The following FLVCR1 variants were observed in gnomAD, a reference collection of about 807,000 sequenced individuals.
FLVCR1 encodes choline/ethanolamine transporter FLVCR1.
In FLVCR1, 34 loss-of-function variants were observed where a neutral mutation model predicts 53.6. That is an observed-to-expected ratio of 0.63 (90% confidence interval 0.48 to 0.84). The LOEUF (loss-of-function observed/expected upper bound fraction) is 0.84, where lower values mean the gene tolerates loss of function less well. Among genes scored for constraint, FLVCR1 ranks in the 40% least tolerant of loss-of-function variants. The pLI is 0.00. For missense variants in FLVCR1, 677 were observed against 696.7 expected, an observed-to-expected ratio of 0.97 and a Z score of 0.32; for synonymous variants, 300 against 286.3, an observed-to-expected ratio of 1.05 and a Z score of -0.48.
chr1:212,887,672 T>G (rs1665093116), intron 5 of FLVCR1, among the ~76,000 whole-genome samples: 1 of 152,160 alleles, frequency 6.6e-6, no homozygotes, highest in Non-Finnish European at 1.5e-5. Context: ...TATAAAAGGA[T>G]CCTATCTGAG....
At chr1:212,888,659 T>G in intron 7 of FLVCR1, 65 bp downstream of exon 7, 2 of 1,170,580 alleles carry the variant, frequency 1.7e-6, no homozygotes, top group Non-Finnish European at 2.5e-6. Flanking sequence ...GAGTAATGAG[T>G]TTGACCATGG....
At chr1:212,882,814 G>A (rs978433778) in intron 3 of FLVCR1, among the ~76,000 whole-genome samples, 1 of 151,832 alleles carries the variant, frequency 6.6e-6, no homozygotes, top group African/African-American at 2.4e-5. Flanking sequence ...CAGTAGAATT[G>A]CTTGAACCCA....
intron 5 of FLVCR1, 130 bp from the exon 6 acceptor site, chr1:212,887,761 A>G (rs895957882): frequency 9.7e-6 from 6 of 617,330 alleles, no homozygotes; most frequent in African/African-American, 1.8e-5. Context: ...TGGTGGATAC[A>G]TATTTCCATG....
chr1:212,885,243 A>C (rs1665027403), intron 4 of FLVCR1, 50 bp from the exon 5 acceptor site: 1 of 1,217,788 alleles, frequency 8.2e-7, no homozygotes, highest in African/African-American at 1.5e-5. Flanking sequence ...GAAGAGTCTG[A>C]ATTAGTTAAT....
chr1:212,858,470 T>C lies in FLVCR1; in HGVS notation c.18T>C (p.Asp6=), dbSNP rs1029247819. The change falls in exon 1 of 10, where the codon GAT becomes GAC. Residue 6 remains aspartate, a synonymous_variant. Transcript: ENST00000366971. The part of the protein sequence containing the change: MARPD[D]EEGAAVAPGH... ...CCTGGGATATGGCGCGGCCAGACGA[T>C]GAGGAGGGGGCGGCGGTGGCGCCCG... The C allele has an allele frequency of 2.1e-6, 3 of 1,439,712 alleles. No individual in the cohort carries two copies. Among genetic ancestry groups the C allele is most frequent in the Admixed American group, 2.8e-5 (1 of 35,200 alleles). 89.2% of individuals were successfully genotyped at this position (1,439,712 alleles called of 1,614,324 possible).
intron 2 of FLVCR1, among the ~76,000 whole-genome samples, chr1:212,864,241 G>A (rs1025250579): frequency 3.9e-5 from 6 of 152,306 alleles, no homozygotes; most frequent in Admixed American, 2.0e-4. Flanking sequence ...AGTGATGCAC[G>A]TAGGCTATGG....
At chr1:212,875,568 C>T (rs1340153586) in intron 3 of FLVCR1, among the ~76,000 whole-genome samples, 1 of 152,134 alleles carries the variant, frequency 6.6e-6, no homozygotes, top group Non-Finnish European at 1.5e-5. Context: ...TGGGGCTGGG[C>T]ACAGTGGCTC....
intron 1 of FLVCR1, among the ~76,000 whole-genome samples, chr1:212,861,722 T>A (rs1427175651): frequency 6.6e-6 from 1 of 152,058 alleles, no homozygotes; most frequent in Non-Finnish European, 1.5e-5. Flanking sequence ...CAGGCTGGAG[T>A]GCAGTGGCGC....
chr1:212,858,438 CG>C lies in FLVCR1; in HGVS notation c.-11del. 1.4e-6 allele frequency: 2 copies of C among 1,431,644 alleles called. No homozygotes were observed. Among genetic ancestry groups the C allele is most frequent in the Non-Finnish European group, 1.8e-6 (2 of 1,097,930 alleles). 88.7% of individuals were successfully genotyped at this position (1,431,644 alleles called of 1,614,324 possible). On this transcript the variant is annotated 5_prime_UTR_variant, in exon 1 of 10. Transcript: ENST00000366971. ...GTGGGGCGGGGGAGCGAGGTGGCGC[CG>C]GGGAGCCTGGGATATGGCGCGGCCA... is the stretch of plus-strand genomic sequence containing the variant.
rs1002993215 is a variant in FLVCR1, at chr1:212,899,233, A to G, written c.*3943A>G. On this transcript the variant is annotated 3_prime_UTR_variant, in exon 10 of 10. Transcript: ENST00000366971. ...TGTTTGTGTGTAAAAATGTGTCTGT[A>G]TGCAATAGCTAGAAAAATGCCTGTG... The G allele has an allele frequency of 6.6e-6, 1 of 152,258 alleles. No individual in the cohort carries two copies. The highest frequency in any genetic ancestry group is 1.5e-5 in the Non-Finnish European group (1 of 68,042). 9.4% of individuals were successfully genotyped at this position (152,258 alleles called of 1,614,324 possible). A position where few individuals can be genotyped will look rare whatever the true frequency, so the allele number is the denominator to read the frequency against.
intron 2 of FLVCR1, among the ~76,000 whole-genome samples, chr1:212,868,476 C>T (rs780393496): frequency 3.9e-5 from 6 of 152,196 alleles, no homozygotes; most frequent in Non-Finnish European, 7.3e-5. Flanking sequence ...TGCAGTGACG[C>T]GATCTCCGCT....
chr1:212,889,818 G>A (rs1029957677), intron 8 of FLVCR1, among the ~76,000 whole-genome samples: 1 of 150,826 alleles, frequency 6.6e-6, no homozygotes, highest in Non-Finnish European at 1.5e-5. Context: ...CTCAAATTCC[G>A]ATTCTGTTGC....
chr1:212,888,711 GTC>G, intron 7 of FLVCR1, 117 bp downstream of exon 7: 1 of 828,646 alleles, frequency 1.2e-6, no homozygotes, highest in East Asian at 2.6e-5. Context: ...TGGAGACAGA[GTC>G]TTGCTCAGCC....
chr1:212,882,245 G>T (rs1664950526), intron 3 of FLVCR1, among the ~76,000 whole-genome samples: 1 of 152,112 alleles, frequency 6.6e-6, no homozygotes. Flanking sequence ...AGTGTCTATT[G>T]ACAGGACGAG....
In FLVCR1 at chr1:212,899,038, CTG is replaced by C. The variant is rs749988787; in HGVS notation, c.*3750_*3751del. ...TGGTCAATTGTTGATCGAAACATGA[CTG>C]TATGTCGTATTTTCAGAAAATGGAA... On this transcript the variant is annotated 3_prime_UTR_variant, in exon 10 of 10. Transcript: ENST00000366971. The C allele has an allele frequency of 2.1e-4, 32 of 152,302 alleles. No individual in the cohort carries two copies. Among genetic ancestry groups the C allele is most frequent in the African/African-American group, 5.8e-4 (24 of 41,566 alleles). The allele number at this position is 152,302 out of a possible 1,614,324, so 9.4% of individuals were successfully genotyped here.
intron 3 of FLVCR1, among the ~76,000 whole-genome samples, chr1:212,883,066 A>G (rs1664966165): frequency 6.6e-6 from 1 of 152,204 alleles, no homozygotes; most frequent in Admixed American, 6.5e-5. Flanking sequence ...TGGTTGCCAT[A>G]TATGTGTTGC....
rs1491202805 is a variant in FLVCR1, at chr1:212,865,980, G to GTTTTT, written c.883+2111_883+2112insTTTTT. Among the ~76,000 whole-genome samples, 12 of 32,128 alleles carry GTTTTT rather than the reference G, an allele frequency of 3.7e-4. 1 individual carries two copies. Among genetic ancestry groups the GTTTTT allele is most frequent in the East Asian group, 0.011 (1 of 90 alleles). The allele number at this position is 32,128 out of a possible 152,430, so 21.1% of individuals were successfully genotyped here. A position where few individuals can be genotyped will look rare whatever the true frequency, so the allele number is the denominator to read the frequency against. On this transcript the variant is annotated intron_variant, in intron 2 of 9. Coordinates refer to ENST00000366971, the MANE Select transcript of FLVCR1 (RefSeq NM_014053.4). ...GGCATTTGGCTAATTTTTGGGGTTTGGTTTTTTTTTTTTTTTTTTTTTGAG... is the reference window on the plus strand; with the variant it reads ...GGCATTTGGCTAATTTTTGGGGTTTGTTTTTGTTTTTTTTTTTTTTTTTTTTTGAG...
rs1286212185 is a variant in FLVCR1 at position 212,858,739 on chromosome 1, G to A, written c.287G>A (p.Ser96Asn). Residue 96 changes from serine to asparagine, a missense_variant, in exon 1 of 10, where the codon AGC becomes AAC. By Grantham distance (46) the Ser-to-Asn change is conservative. Transcript: ENST00000366971. ...AGAETPGAES[S>N]PLPLTALSPR... ...GCTGAGACCCCGGGGGCCGAGAGCA[G>A]CCCGCTGCCCCTTACGGCGCTCTCC... 1.9e-6 allele frequency: 3 copies of A among 1,611,936 alleles called. No individual in the cohort carries two copies. In the East Asian group the frequency reaches 6.7e-5, roughly 36 times the overall value.
At chr1:212,886,274 G>C (rs1665062944) in intron 5 of FLVCR1, among the ~76,000 whole-genome samples, 1 of 150,856 alleles carries the variant, frequency 6.6e-6, no homozygotes, top group African/African-American at 2.4e-5. Context: ...AACTCCTGAG[G>C]TCAGGCAATC....
Sources: allele counts gnomAD v4.1 joint callset (sites outside exome capture counted in the v4.1 genomes callset), GRCh38; gene constraint gnomAD v4.1.1; transcripts MANE v1.5; gene names NCBI Gene and HGNC (gene_info 2026-07-23, HGNC 2026-07-21).